Variants in GALNT5 observed in about 807,000 individuals in gnomAD.
GALNT5 encodes the protein polypeptide N-acetylgalactosaminyltransferase 5, also known as UDP-GalNAc:polypeptide N-acetylgalactosaminyltransferase 5.
Under a neutral mutation model 85.4 loss-of-function variants are expected in GALNT5, and 72 were observed. The ratio of observed to expected loss-of-function variants is 0.84; its 90% CI spans 0.70 to 1.03. The LOEUF (loss-of-function observed/expected upper bound fraction) is 1.03. GALNT5 is among the 50% of genes least tolerant of loss of function. GALNT5 has a pLI of 0.00. For missense variants in GALNT5, 1,137 were observed against 1,135.5 expected, an observed-to-expected ratio of 1.00 and a Z score of -0.02; for synonymous variants, 404 against 397.0, an observed-to-expected ratio of 1.02 and a Z score of -0.21.
intron 3 of GALNT5, among the ~76,000 whole-genome samples, chr2:157,287,514 C>T (rs1445594900): frequency 6.6e-6 from 1 of 152,000 alleles, no homozygotes; most frequent in Non-Finnish European, 1.5e-5. Context: ...TGTTGGTGTT[C>T]AAATTGTCCC....
chr2:157,258,230 G>A lies in GALNT5; in HGVS notation c.148G>A (p.Val50Met), dbSNP rs901689649. 5.0e-6 allele frequency: 8 copies of A among 1,613,698 alleles called. No individual in the cohort carries two copies. The highest frequency in any genetic ancestry group is 6.8e-6 in the Non-Finnish European group (8 of 1,179,872). Residue 50 changes from valine to methionine, a missense_variant, in exon 1 of 10, where the codon GTG becomes ATG. Transcript: ENST00000259056. ...INTRVIKEDI[V>M]RRERIGFRVQ... ...CACTCGGGTCATCAAGGAAGACATT[G>A]TGAGGAGGGAGCGGATAGGATTCAG...
Position 157,313,632 on chromosome 2 carries a change from C to T in GALNT5, c.*2284C>T, listed in dbSNP as rs923274517. Reference sequence around the variant, plus strand: ...CGGGTATATAGGCTCTCTTTTTATCCGAAAATAGTTTCCACAAAGAAGTCA... The same window carrying T: ...CGGGTATATAGGCTCTCTTTTTATCTGAAAATAGTTTCCACAAAGAAGTCA... On this transcript the variant is annotated 3_prime_UTR_variant, in exon 10 of 10. Coordinates refer to ENST00000259056, the MANE Select transcript of GALNT5 (RefSeq NM_014568.3). 3.9e-5 allele frequency: 6 copies of T among 151,918 alleles called. No homozygotes were observed. Among genetic ancestry groups the T allele is most frequent in the Admixed American group, 1.3e-4 (2 of 15,264 alleles). 9.4% of individuals were successfully genotyped at this position (151,918 alleles called of 1,614,324 possible).
chr2:157,263,356 C>T (rs936658189), intron 1 of GALNT5, among the ~76,000 whole-genome samples: 4 of 152,204 alleles, frequency 2.6e-5, no homozygotes, highest in African/African-American at 9.6e-5. Context: ...TCCCTTCCCA[C>T]AGCCTCCCTC....
chr2:157,315,190 T>C lies in GALNT5; in HGVS notation c.*3842T>C, dbSNP rs1683673563. 6.6e-6 allele frequency among the ~76,000 whole-genome samples: 1 copy of C among 152,062 alleles called. No homozygotes were observed. The highest frequency in any genetic ancestry group is 2.4e-5 in the African/African-American group (1 of 41,392). ...AAGAAAGGAACTAATTATCATTGAG[T>C]GTGTGTAGGTACTATTTGTGTAGGT... On this transcript the variant is annotated 3_prime_UTR_variant, in exon 10 of 10. Coordinates refer to ENST00000259056, the MANE Select transcript of GALNT5 (RefSeq NM_014568.3).
intron 1 of GALNT5, among the ~76,000 whole-genome samples, chr2:157,259,943 G>A (rs1331189459): frequency 6.6e-6 from 1 of 152,114 alleles, no homozygotes; most frequent in Non-Finnish European, 1.5e-5. Flanking sequence ...AATATATTTG[G>A]GAAAGAAGCA....
intron 9 of GALNT5, among the ~76,000 whole-genome samples, chr2:157,309,195 A>C (rs1683518820): frequency 6.6e-6 from 1 of 152,150 alleles, no homozygotes; most frequent in Non-Finnish European, 1.5e-5. Context: ...GTACCCAGAA[A>C]CCGGGGCTTC....
At chr2:157,294,760 C>G (rs899405704) in intron 3 of GALNT5, among the ~76,000 whole-genome samples, 1 of 146,212 alleles carries the variant, frequency 6.8e-6, no homozygotes, top group African/African-American at 2.5e-5. Flanking sequence ...TTGTTACACT[C>G]TCTCACACAC....
At chr2:157,284,189 T>C in intron 1 of GALNT5, 93 bp from the exon 2 acceptor site, 1 of 887,770 alleles carries the variant, frequency 1.1e-6, no homozygotes, top group South Asian at 1.4e-5. Flanking sequence ...TAAGTGTGTG[T>C]GTATATGCAC....
At chr2:157,307,667 C>A (rs1683481250) in intron 8 of GALNT5, among the ~76,000 whole-genome samples, 1 of 152,162 alleles carries the variant, frequency 6.6e-6, no homozygotes, top group Admixed American at 6.5e-5. Flanking sequence ...CAAGGTCCAA[C>A]ACAATGACTT....
intron 3 of GALNT5, among the ~76,000 whole-genome samples, chr2:157,293,248 T>C (rs1332481637): frequency 2.6e-5 from 4 of 152,140 alleles, no homozygotes; most frequent in African/African-American, 9.7e-5. Context: ...GGCTGGGAAG[T>C]CCAAGATCAA....
chr2:157,305,491 G>A (rs574294982), intron 7 of GALNT5, among the ~76,000 whole-genome samples: 1 of 152,256 alleles, frequency 6.6e-6, no homozygotes, highest in African/African-American at 2.4e-5. Context: ...CCAGGCAAGG[G>A]TTAATTAAAA....
chr2:157,259,356 G>A lies in GALNT5; in HGVS notation c.1274G>A (p.Arg425Lys), dbSNP rs1682284796. 6.6e-7 allele frequency: 1 copy of A among 1,516,226 alleles called. No homozygotes were observed. The highest frequency in any genetic ancestry group is 8.8e-7 in the Non-Finnish European group (1 of 1,129,974). The allele number at this position is 1,516,226 out of a possible 1,614,324, so 93.9% of individuals were successfully genotyped here. ...GACAGTGGAACGCACCAGGTGTTAA[G>A]AATTGATGTGACACTTTCTCCAAGG... is the stretch of plus-strand genomic sequence containing the variant. Reference protein sequence around the residue: ...PEDSGTHQVLRIDVTLSPRDP... With the variant: ...PEDSGTHQVLKIDVTLSPRDP... The change falls in exon 1 of 10, where the codon AGA becomes AAA. Residue 425 changes from arginine (R) to lysine (K), a missense_variant. Arg to Lys is a conservative substitution (Grantham distance 26). Transcript: ENST00000259056.
Position 157,284,046 on chromosome 2 carries a change from C to T in GALNT5, c.1455-236C>T, listed in dbSNP as rs190535795. ...ATTTCTAGTCCTTTTATAACAACCA[C>T]GGTTACGGGTAATTCTTCTGCTTTT... On this transcript the variant is annotated intron_variant, in intron 1 of 9. Transcript: ENST00000259056. Among the ~76,000 whole-genome samples the T allele has an allele frequency of 1.5e-3, 230 of 152,250 alleles. 1 individual carries two copies. Among genetic ancestry groups the T allele is most frequent in the African/African-American group, 5.2e-3 (217 of 41,544 alleles).
chr2:157,294,789 CACA>C (rs993752091), intron 3 of GALNT5, among the ~76,000 whole-genome samples: 2 of 1,948 alleles, frequency 1.0e-3, no homozygotes, highest in Non-Finnish European at 5.0e-3. Context: ...TCACACCACA[CACA>C]CACACACACA....
intron 1 of GALNT5, among the ~76,000 whole-genome samples, chr2:157,274,974 T>G (rs961271890): frequency 2.0e-5 from 3 of 152,262 alleles, no homozygotes; most frequent in East Asian, 1.9e-4. Context: ...GTCTAACGTT[T>G]AAGTCTTTAA....
intron 5 of GALNT5, among the ~76,000 whole-genome samples, chr2:157,298,278 G>T (rs963701403): frequency 4.6e-5 from 7 of 152,106 alleles, no homozygotes; most frequent in African/African-American, 1.4e-4. Context: ...TAGGGGCAGG[G>T]GATCTAAGGC....
chr2:157,281,405 G>A (rs1233119678), intron 1 of GALNT5, among the ~76,000 whole-genome samples: 1 of 152,094 alleles, frequency 6.6e-6, no homozygotes, highest in Non-Finnish European at 1.5e-5. Flanking sequence ...CAAGGAATTC[G>A]CTAATAGGTA....
chr2:157,303,721 GA>G (rs554469246), intron 7 of GALNT5, among the ~76,000 whole-genome samples: 1 of 151,806 alleles, frequency 6.6e-6, no homozygotes, highest in African/African-American at 2.4e-5. Context: ...TAAGAAAAAG[GA>G]AAAAAAAATC....
chr2:157,293,435 G>T (rs1237991321), intron 3 of GALNT5, among the ~76,000 whole-genome samples: 5 of 152,140 alleles, frequency 3.3e-5, no homozygotes, highest in Non-Finnish European at 7.3e-5. Context: ...TTATCACAAA[G>T]GCCCCACCTC....
Sources: gnomAD v4.1 joint callset for allele counts (sites outside exome capture counted in the v4.1 genomes callset) on GRCh38, gnomAD v4.1.1 for gene constraint, MANE v1.5 for transcripts, NCBI Gene and HGNC (gene_info 2026-07-23, HGNC 2026-07-21) for gene names.